The following ATP8A2 variants were observed in gnomAD, a reference collection of about 807,000 sequenced individuals.
ATP8A2 encodes the protein phospholipid-transporting ATPase IB.
In ATP8A2, 100 loss-of-function variants were observed where a neutral mutation model predicts 165.6. That is an observed-to-expected ratio of 0.60 (90% CI 0.51 to 0.71). ATP8A2 has a LOEUF of 0.71. ATP8A2 is among the 30% of genes least tolerant of loss of function. ATP8A2 has a pLI of 0.00. For synonymous variants in ATP8A2, 543 were observed against 548.8 expected (o/e 0.99, Z 0.15); for missense variants, 1,227 against 1,479.5 (o/e 0.83, Z 2.80).
intron 25 of ATP8A2, among the ~76,000 whole-genome samples, chr13:25,758,845 G>A (rs367704060): frequency 2.6e-5 from 4 of 152,052 alleles, no homozygotes; most frequent in African/African-American, 7.2e-5. Flanking sequence ...ATTATTTCCC[G>A]CTATTGAGAT....
intron 25 of ATP8A2, among the ~76,000 whole-genome samples, chr13:25,756,186 C>T (rs1200063682): frequency 6.7e-6 from 1 of 149,018 alleles, no homozygotes; most frequent in Non-Finnish European, 1.5e-5. Flanking sequence ...GTGTAGCAGC[C>T]AGGATAGGTT....
At chr13:25,436,887 C>T (rs558618140) in intron 1 of ATP8A2, among the ~76,000 whole-genome samples, 33 of 152,120 alleles carry the variant, frequency 2.2e-4, no homozygotes, top group Admixed American at 1.9e-3. Flanking sequence ...GGTGATCTTC[C>T]CACCTCAGCC....
At chr13:25,986,121 G>A (rs897437251) in intron 35 of ATP8A2, among the ~76,000 whole-genome samples, 2 of 152,146 alleles carry the variant, frequency 1.3e-5, no homozygotes, top group East Asian at 3.9e-4. Context: ...TATTCAAGGT[G>A]TACAACAGAT....
chr13:25,506,957 A>ATATATATATATATATATC (rs1244662360), intron 2 of ATP8A2, among the ~76,000 whole-genome samples: 1 of 147,344 alleles, frequency 6.8e-6, no homozygotes, highest in Non-Finnish European at 1.5e-5. Context: ...ATATATATAT[A>ATATATATATATATATATC]TATATCTTAT....
At chr13:25,421,938 C>A (rs1186606698) in intron 1 of ATP8A2, among the ~76,000 whole-genome samples, 1 of 152,122 alleles carries the variant, frequency 6.6e-6, no homozygotes, top group African/African-American at 2.4e-5. Context: ...CTCTTAAATT[C>A]ATCAGCATTT....
At chr13:25,648,971 T>C in intron 24 of ATP8A2, 4 of 482,890 alleles carry the variant, frequency 8.3e-6, no homozygotes, top group South Asian at 6.0e-5. Context: ...AAGAGGATTT[T>C]TCTAAATTTT....
intron 25 of ATP8A2, among the ~76,000 whole-genome samples, chr13:25,737,758 C>T (rs2043806371): frequency 6.6e-6 from 1 of 152,236 alleles, no homozygotes; most frequent in East Asian, 1.9e-4. Flanking sequence ...TCTCAGTTCA[C>T]TGCAAGCTCC....
rs531080512 is a variant in ATP8A2 at position 25,373,889 on chromosome 13, C to CCCTG, written c.76+1603_76+1606dup. Among the ~76,000 whole-genome samples, 11 of 152,274 alleles carry CCCTG rather than the reference C, an allele frequency of 7.2e-5. No homozygotes were observed. The South Asian group carries it at 2.3e-3, about 32-fold the overall frequency. On this transcript the variant is annotated intron_variant, in intron 1 of 36. Coordinates refer to ENST00000381655, the MANE Select transcript of ATP8A2 (RefSeq NM_016529.6). ...GCAGGACCGGCTCCAAGAGTGTATG[C>CCCTG]CCTGCAGCTGCTCAGAGTCTGGCTC...
intron 4 of ATP8A2, among the ~76,000 whole-genome samples, chr13:25,531,411 T>C (rs1162475595): frequency 2.5e-5 from 1 of 40,136 alleles, no homozygotes; most frequent in Non-Finnish European, 5.0e-5. Flanking sequence ...TATATATGAT[T>C]ATATATATGA....
intron 2 of ATP8A2, among the ~76,000 whole-genome samples, chr13:25,493,120 G>A (rs1276263905): frequency 3.3e-5 from 5 of 152,010 alleles, no homozygotes; most frequent in African/African-American, 1.2e-4. Context: ...CCATTTGCTT[G>A]TGAATTTTGT....
chr13:25,946,330 A>G (rs1009168902), intron 33 of ATP8A2, among the ~76,000 whole-genome samples: 6 of 152,100 alleles, frequency 3.9e-5, no homozygotes, highest in Non-Finnish European at 8.8e-5. Context: ...TGAGATACAG[A>G]TTGAGAAACA....
intron 24 of ATP8A2, among the ~76,000 whole-genome samples, chr13:25,694,924 C>T (rs2042803665): frequency 6.6e-6 from 1 of 152,136 alleles, no homozygotes; most frequent in Non-Finnish European, 1.5e-5. Context: ...CTCAGGTGAT[C>T]CTCCCTCTTT....
intron 1 of ATP8A2, among the ~76,000 whole-genome samples, chr13:25,373,544 A>G (rs1439781462): frequency 1.3e-5 from 2 of 152,018 alleles, no homozygotes; most frequent in Non-Finnish European, 2.9e-5. Context: ...GCCTGAGGAG[A>G]CCTGGGGACA....
chr13:25,561,370 T>A (rs1019599605), intron 15 of ATP8A2, among the ~76,000 whole-genome samples: 1 of 151,968 alleles, frequency 6.6e-6, no homozygotes, highest in African/African-American at 2.4e-5. Flanking sequence ...TTTCCATAGA[T>A]TTTTTTTGTT....
chr13:25,964,762 G>A (rs565457086), intron 34 of ATP8A2, among the ~76,000 whole-genome samples: 3 of 152,292 alleles, frequency 2.0e-5, no homozygotes, highest in East Asian at 1.9e-4. Flanking sequence ...TGGTGATGCC[G>A]AGAGAGCTTC....
chr13:25,454,179 G>A (rs148034047), intron 1 of ATP8A2, among the ~76,000 whole-genome samples: 3 of 152,288 alleles, frequency 2.0e-5, no homozygotes, highest in Admixed American at 1.3e-4. Flanking sequence ...GGCTCCCTGT[G>A]TTGTTTGTGG....
chr13:25,492,938 C>T (rs144438056), intron 2 of ATP8A2, among the ~76,000 whole-genome samples: 74 of 152,234 alleles, frequency 4.9e-4, no homozygotes, highest in African/African-American at 1.7e-3. Flanking sequence ...GCACGAGGAG[C>T]GAGGGACTTA....
chr13:25,512,885 G>A (rs2037298519), intron 2 of ATP8A2, among the ~76,000 whole-genome samples: 1 of 142,552 alleles, frequency 7.0e-6, no homozygotes, highest in Non-Finnish European at 1.5e-5. Flanking sequence ...TCACCTCCCG[G>A]ACGGGGTGGC....
intron 9 of ATP8A2, among the ~76,000 whole-genome samples, chr13:25,543,038 G>A (rs1370791748): frequency 2.6e-5 from 4 of 152,106 alleles, no homozygotes; most frequent in African/African-American, 9.7e-5. Flanking sequence ...GATCATGAGA[G>A]ATATAATTAC....
Sources: gnomAD v4.1 joint callset for allele counts (sites outside exome capture counted in the v4.1 genomes callset) on GRCh38, gnomAD v4.1.1 for gene constraint, MANE v1.5 for transcripts, NCBI Gene and HGNC (gene_info 2026-07-23, HGNC 2026-07-21) for gene names.